DPEP1: variants seen among roughly 807,000 people sequenced by gnomAD.
The protein encoded by DPEP1 is dipeptidase 1.
Under a neutral mutation model 42.3 loss-of-function variants are expected in DPEP1, and 50 were observed. That is an observed-to-expected ratio of 1.18 (90% CI 0.94 to 1.50). DPEP1 has a LOEUF of 1.50. Among genes scored for constraint, DPEP1 ranks in the 40% most tolerant of loss-of-function variants. The probability of loss-of-function intolerance (pLI) is 0.00; values close to 1 mark genes in which losing one functional copy is unlikely to be tolerated. For missense variants in DPEP1, 663 were observed against 553.0 expected, an observed-to-expected ratio of 1.20 and a Z score of -1.99; for synonymous variants, 297 against 234.0, an observed-to-expected ratio of 1.27 and a Z score of -2.46.
chr16:89,639,088 T>C (rs2059722429), downstream of DPEP1, among the ~76,000 whole-genome samples: 1 of 27,478 alleles, frequency 3.6e-5, no homozygotes, highest in Non-Finnish European at 6.4e-5. Context: ...ACCCCATTCC[T>C]GCACACACAC....
intron 1 of DPEP1, among the ~76,000 whole-genome samples, chr16:89,620,959 A>G (rs2059440580): frequency 6.6e-6 from 1 of 152,138 alleles, no homozygotes; most frequent in South Asian, 2.1e-4. Flanking sequence ...ATGGAGCACC[A>G]TCACAGGCAG....
chr16:89,626,697 C>G (rs957182407), intron 1 of DPEP1, among the ~76,000 whole-genome samples: 1 of 151,438 alleles, frequency 6.6e-6, no homozygotes, highest in Non-Finnish European at 1.5e-5. Context: ...CCCCCTCAAA[C>G]TCTCTCCCCC....
chr16:89,615,354 C>G (rs887983318), intron 1 of DPEP1, among the ~76,000 whole-genome samples: 1 of 152,166 alleles, frequency 6.6e-6, no homozygotes. Context: ...GCAGGCGGGC[C>G]TGGCAGGGCA....
At chr16:89,635,201 TC>T (rs1448728497) in intron 2 of DPEP1, among the ~76,000 whole-genome samples, 2 of 132,512 alleles carry the variant, frequency 1.5e-5, no homozygotes, top group African/African-American at 3.1e-5. Context: ...CCTTCTCCTT[TC>T]CCCTTCCTTC....
chr16:89,641,034 G>C (rs558266553), downstream of DPEP1, among the ~76,000 whole-genome samples: 170 of 152,320 alleles, frequency 1.1e-3, 1 homozygote, highest in African/African-American at 3.7e-3. Flanking sequence ...GAGGCGGAGA[G>C]AGAGAGAGGA....
chr16:89,641,223 G>GT (rs1046550950), downstream of DPEP1, among the ~76,000 whole-genome samples: 6 of 152,200 alleles, frequency 3.9e-5, no homozygotes, highest in African/African-American at 1.4e-4. Context: ...AGGGCTGCGG[G>GT]GGGGGGTTGA....
chr16:89,618,924 C>T (rs1173465577), intron 1 of DPEP1, among the ~76,000 whole-genome samples: 5 of 138,204 alleles, frequency 3.6e-5, no homozygotes, highest in Admixed American at 1.4e-4. Flanking sequence ...TCCCTGCTCC[C>T]TCCCTGCAGC....
chr16:89,633,943 C>T (rs887014432), intron 2 of DPEP1, among the ~76,000 whole-genome samples: 2 of 152,130 alleles, frequency 1.3e-5, no homozygotes, highest in Non-Finnish European at 2.9e-5. Context: ...GAAGGGGAAC[C>T]CTGGGCATTC....
intron 2 of DPEP1, among the ~76,000 whole-genome samples, chr16:89,634,463 G>A (rs115712101): frequency 0.019 from 2,814 of 151,580 alleles, 106 homozygotes; most frequent in African/African-American, 0.065. Flanking sequence ...AGCTGGATTC[G>A]GACCCTCTGG....
intron 2 of DPEP1, among the ~76,000 whole-genome samples, 155 bp downstream of exon 2, chr16:89,630,669 G>C (rs1597759499): frequency 1.2e-5 from 1 of 86,574 alleles, no homozygotes; most frequent in African/African-American, 5.6e-5. Flanking sequence ...GGGAGCCGGG[G>C]TTGGGGGTGC....
intron 3 of DPEP1, 51 bp downstream of exon 3, chr16:89,636,091 C>G: frequency 6.4e-7 from 1 of 1,570,158 alleles, no homozygotes; most frequent in Admixed American, 1.8e-5. Context: ...ATCCCGTCTC[C>G]TACCTCAGGC....
chr16:89,640,479 A>G (rs72491952), downstream of DPEP1: 10,443 of 837,680 alleles, frequency 0.012, 1,284 homozygotes, highest in East Asian at 0.51. Context: ...TCCGGGGTCC[A>G]TGCCCTTCCA....
downstream of DPEP1, among the ~76,000 whole-genome samples, chr16:89,641,507 T>C (rs535293899): frequency 8.0e-4 from 122 of 152,338 alleles, no homozygotes; most frequent in African/African-American, 2.8e-3. Context: ...AGGATTATTA[T>C]AATATTGGAA....
At chr16:89,613,963 C>A (rs1473576175) in intron 1 of DPEP1, among the ~76,000 whole-genome samples, 2 of 146,280 alleles carry the variant, frequency 1.4e-5, no homozygotes, top group African/African-American at 5.1e-5. Flanking sequence ...GAGGCAGCTT[C>A]CTGGGATTCT....
At chr16:89,640,478 C>T (rs139573276), downstream of DPEP1, 292 of 824,450 alleles carry the variant, frequency 3.5e-4, 3 homozygotes, top group African/African-American at 4.8e-3. Flanking sequence ...CTCCGGGGTC[C>T]ATGCCCTTCC....
intron 1 of DPEP1, among the ~76,000 whole-genome samples, chr16:89,616,224 G>C (rs2059378138): frequency 6.6e-6 from 1 of 152,200 alleles, no homozygotes; most frequent in African/African-American, 2.4e-5. Context: ...TCAGAGCCCA[G>C]AAACAGACAA....
intron 1 of DPEP1, among the ~76,000 whole-genome samples, chr16:89,622,868 T>G (rs898247121): frequency 6.7e-6 from 1 of 149,898 alleles, no homozygotes; most frequent in African/African-American, 2.5e-5. Context: ...AAGGAGGAAG[T>G]GAATGGAAGA....
At chr16:89,617,372 C>G (rs912771472) in intron 1 of DPEP1, among the ~76,000 whole-genome samples, 1 of 152,146 alleles carries the variant, frequency 6.6e-6, no homozygotes, top group African/African-American at 2.4e-5. Flanking sequence ...CACAGGAGCT[C>G]CCTCAGCACG....
downstream of DPEP1, among the ~76,000 whole-genome samples, chr16:89,638,645 C>G (rs1400347470): frequency 1.3e-5 from 2 of 150,910 alleles, no homozygotes; most frequent in East Asian, 1.9e-4. Flanking sequence ...CAGCCATGCA[C>G]CGGTGCACAC....
Sources: gnomAD v4.1 joint callset for allele counts (sites outside exome capture counted in the v4.1 genomes callset) on GRCh38, gnomAD v4.1.1 for gene constraint, MANE v1.5 for transcripts, NCBI Gene and HGNC (gene_info 2026-07-23, HGNC 2026-07-21) for gene names.